The following PRKCZ variants were observed in gnomAD, a reference collection of about 807,000 sequenced individuals.
PRKCZ encodes the protein protein kinase C zeta, also known as protein kinase C zeta type.
In PRKCZ, 33 loss-of-function variants were observed where a neutral mutation model predicts 79.5. That is an observed-to-expected ratio of 0.41 (90% CI 0.31 to 0.55). The LOEUF is 0.55. PRKCZ is among the 20% of genes least tolerant of loss of function. The probability of loss-of-function intolerance (pLI) is 0.19; values close to 1 mark genes in which losing one functional copy is unlikely to be tolerated. For missense variants in PRKCZ, 578 were observed against 813.5 expected (o/e 0.71, Z 3.52); for synonymous variants, 342 against 320.9 (o/e 1.07, Z -0.70).
rs536071261 is a variant in PRKCZ at position 2,075,559 on chromosome 1, G to A, written c.334+15968G>A. Among the ~76,000 whole-genome samples the A allele has an allele frequency of 5.1e-4, 77 of 152,276 alleles. No homozygotes were observed. Among genetic ancestry groups the A allele is most frequent in the Non-Finnish European group, 8.8e-4 (60 of 68,016 alleles). On this transcript the variant is annotated intron_variant, in intron 4 of 17. Coordinates refer to ENST00000378567, the MANE Select transcript of PRKCZ (RefSeq NM_002744.6). This position sits in a 1 kb window ranked among gnomAD's most constrained non-coding sequence, Gnocchi z 4.8. ...CAGCCATCAGTGGGGGCCCTTCTCCGACCGTCTTCCTAGACTTCAGAGCCA... is the reference window on the plus strand; with the variant it reads ...CAGCCATCAGTGGGGGCCCTTCTCCAACCGTCTTCCTAGACTTCAGAGCCA...
At chr1:2,084,653 C>T (rs1664158275) in intron 4 of PRKCZ, among the ~76,000 whole-genome samples, 1 of 152,216 alleles carries the variant, frequency 6.6e-6, no homozygotes. Context: ...TCAGTGCCAG[C>T]CACCTGCCTG....
At chr1:2,115,788 T>TG (rs1201000487) in intron 4 of PRKCZ, among the ~76,000 whole-genome samples, 2 of 152,150 alleles carry the variant, frequency 1.3e-5, no homozygotes, top group East Asian at 1.9e-4. Context: ...GGCTGAGGTA[T>TG]GGGGGGTGCA....
At chr1:2,118,060 G>C (rs867775374) in intron 4 of PRKCZ, among the ~76,000 whole-genome samples, 1 of 117,182 alleles carries the variant, frequency 8.5e-6, no homozygotes, top group Non-Finnish European at 1.6e-5. Flanking sequence ...TCAGTGGCCC[G>C]ATCTGGGCGC....
At chr1:2,054,941 A>AT (rs552863793) in intron 1 of PRKCZ, among the ~76,000 whole-genome samples, 2,245 of 123,628 alleles carry the variant, frequency 0.018, 29 homozygotes, top group Middle Eastern at 0.024. Context: ...GATGGTGGTC[A>AT]TTTTTTTTTT....
rs71578361 is a variant in PRKCZ at position 2,160,238 on chromosome 1, C to CGCGTGTGT, written c.974+4147_974+4148insCGTGTGTG. Among the ~76,000 whole-genome samples, 447 of 146,466 alleles carry CGCGTGTGT rather than the reference C, an allele frequency of 3.1e-3. 8 individuals carry two copies. Among genetic ancestry groups the CGCGTGTGT allele is most frequent in the African/African-American group, 0.01 (409 of 39,028 alleles). ...GAAAAGCACTTCACCCAGCAGTGTG[C>CGCGTGTGT]GTGTGTGTGTGTGTGTGTGTGTGTG... On this transcript the variant is annotated intron_variant, in intron 10 of 17. Transcript: ENST00000378567.
chr1:2,129,379 TGTCACGGTCAGAA>T (rs1674528563), intron 4 of PRKCZ, among the ~76,000 whole-genome samples: 1 of 152,060 alleles, frequency 6.6e-6, no homozygotes. Flanking sequence ...CACTCAGAAC[TGTCACGGTCAGAA>T]AGCACGGTCA....
At position 2,149,220 on chromosome 1, in the gene PRKCZ, G is replaced by A. The variant is rs1255743971; in HGVS notation, c.687+296G>A. Among the ~76,000 whole-genome samples, 1 of 152,230 alleles carries A rather than the reference G, an allele frequency of 6.6e-6. No homozygotes were observed. The highest frequency in any genetic ancestry group is 3.2e-3 in the Middle Eastern group (1 of 316). On this transcript the variant is annotated intron_variant, in intron 8 of 17. Transcript: ENST00000378567. The surrounding 1 kb of genome is among the most constrained non-coding windows in gnomAD (Gnocchi z 4.1). ...ATTCAGGTGGTACAGTGGCCCAGGG[G>A]CTGGCTTTTGAGCTGCAATTTTTAT... is the stretch of plus-strand genomic sequence containing the variant.
At chr1:2,112,880 C>T (rs1011629635) in intron 4 of PRKCZ, among the ~76,000 whole-genome samples, 1 of 152,110 alleles carries the variant, frequency 6.6e-6, no homozygotes, top group Non-Finnish European at 1.5e-5. Context: ...TTGGTAGAGG[C>T]GGGGTTTCAC....
At position 2,178,089 on chromosome 1, in the gene PRKCZ, C is replaced by T. The variant is rs1451978778; in HGVS notation, c.1575+2776C>T. On this transcript the variant is annotated intron_variant, in intron 16 of 17. Coordinates refer to ENST00000378567, the MANE Select transcript of PRKCZ (RefSeq NM_002744.6). The surrounding 1 kb of genome is among the most constrained non-coding windows in gnomAD (Gnocchi z 4.3). ...TGACCTTGGCAGAAGGAAGGTCCTC[C>T]TCCCATTCACCCAACGCCTGCAACT... Among the ~76,000 whole-genome samples the T allele has an allele frequency of 6.6e-6, 1 of 152,208 alleles. No individual in the cohort carries two copies. The highest frequency in any genetic ancestry group is 1.5e-5 in the Non-Finnish European group (1 of 68,044).
intron 4 of PRKCZ, among the ~76,000 whole-genome samples, chr1:2,113,513 A>G (rs1416655085): frequency 6.6e-6 from 1 of 152,186 alleles, no homozygotes; most frequent in Non-Finnish European, 1.5e-5. Flanking sequence ...AGTGGCACAG[A>G]GGCAGCATCC....
rs185448054 is a variant in PRKCZ at position 2,165,703 on chromosome 1, A to G, written c.975-3815A>G. On this transcript the variant is annotated intron_variant, in intron 10 of 17. Transcript: ENST00000378567. The surrounding 1 kb of genome is among the most constrained non-coding windows in gnomAD (Gnocchi z 4.1). ...TTCCACCAGAACTTTCTGTACACAC[A>G]TGGTGGTGGCCCGCCCGGACCCATC... 2.0e-5 allele frequency among the ~76,000 whole-genome samples: 3 copies of G among 152,106 alleles called. No homozygotes were observed. Among genetic ancestry groups the G allele is most frequent in the African/African-American group, 7.2e-5 (3 of 41,432 alleles).
At chr1:2,110,971 G>A (rs1415167755) in intron 4 of PRKCZ, among the ~76,000 whole-genome samples, 2 of 152,090 alleles carry the variant, frequency 1.3e-5, no homozygotes, top group South Asian at 2.1e-4. Flanking sequence ...CCTCGGGTGC[G>A]AGGCCTGCCA....
chr1:2,048,991 C>G (rs1659444780), upstream of PRKCZ, among the ~76,000 whole-genome samples: 1 of 152,256 alleles, frequency 6.6e-6, no homozygotes, highest in South Asian at 2.1e-4. Flanking sequence ...TATGGAAAAA[C>G]CCCGTCTCTA....
intron 4 of PRKCZ, chr1:2,104,745 A>G: frequency 2.0e-6 from 2 of 985,706 alleles, no homozygotes; most frequent in Non-Finnish European, 2.4e-6. Flanking sequence ...GACAGGCAGG[A>G]CGCAGCGGGC....
chr1:2,056,295 CG>C (rs1294115433), intron 2 of PRKCZ, among the ~76,000 whole-genome samples, 188 bp from the exon 3 acceptor site: 3 of 152,206 alleles, frequency 2.0e-5, no homozygotes, highest in African/African-American at 7.2e-5. Context: ...GACGCTGCAC[CG>C]GGGGCCAGGT....
chr1:2,136,744 C>G (rs1164147831), intron 5 of PRKCZ, among the ~76,000 whole-genome samples: 1 of 152,070 alleles, frequency 6.6e-6, no homozygotes, highest in Non-Finnish European at 1.5e-5. Flanking sequence ...ACAGAGATCC[C>G]GTCCGCACCC....
Position 2,173,413 on chromosome 1 carries a change from G to C in PRKCZ, c.1286-484G>C, listed in dbSNP as rs1283813074. On this transcript the variant is annotated intron_variant, in intron 13 of 17. Transcript: ENST00000378567. This position sits in a 1 kb window ranked among gnomAD's most constrained non-coding sequence, Gnocchi z 5.7. The stretch of plus-strand genomic sequence containing the variant: ...GGACGCAGAGACAGCTGCTGTCCTT[G>C]GGCAAAACGGGTCAGGGTCTCCCAC... 1.3e-5 allele frequency among the ~76,000 whole-genome samples: 2 copies of C among 152,196 alleles called. No individual in the cohort carries two copies. The highest frequency in any genetic ancestry group is 2.9e-5 in the Non-Finnish European group (2 of 68,040).
chr1:2,101,943 T>C (rs1305356895), intron 4 of PRKCZ, among the ~76,000 whole-genome samples: 2 of 152,186 alleles, frequency 1.3e-5, no homozygotes, highest in African/African-American at 4.8e-5. Flanking sequence ...GAGCCAGGCA[T>C]GGTAATGACA....
chr1:2,136,965 G>T (rs1676324329), intron 5 of PRKCZ, among the ~76,000 whole-genome samples: 1 of 152,162 alleles, frequency 6.6e-6, no homozygotes, highest in South Asian at 2.1e-4. Flanking sequence ...GAGTTGATTA[G>T]GGAGAACTGG....
Sources: gnomAD v4.1 joint callset for allele counts (sites outside exome capture counted in the v4.1 genomes callset) on GRCh38, gnomAD v4.1.1 for gene constraint, Gnocchi (gnomAD v3.1) non-coding constraint, MANE v1.5 for transcripts, NCBI Gene and HGNC (gene_info 2026-07-23, HGNC 2026-07-21) for gene names.